KIF13A: variants seen among roughly 807,000 people sequenced by gnomAD.
KIF13A encodes kinesin family member 13A.
A neutral mutation model predicts 212.2 loss-of-function variants in KIF13A; 79 were observed. The ratio of observed to expected loss-of-function variants is 0.37; its 90% confidence interval spans 0.31 to 0.45. KIF13A has a LOEUF of 0.45. Ranked by LOEUF, KIF13A falls within the 20% of genes least tolerant of loss-of-function variation. KIF13A has a pLI of 1.00. For missense variants in KIF13A, 1,901 were observed against 2,209.0 expected, an observed-to-expected ratio of 0.86 and a Z score of 2.79; for synonymous variants, 789 against 808.6, an observed-to-expected ratio of 0.98 and a Z score of 0.41.
chr6:17,814,057 A>G (rs1177929917), intron 17 of KIF13A, among the ~76,000 whole-genome samples: 2 of 142,450 alleles, frequency 1.4e-5, no homozygotes, highest in East Asian at 4.1e-4. Context: ...GGTTCACGCC[A>G]TTCTCCTGCC....
intron 2 of KIF13A, among the ~76,000 whole-genome samples, chr6:17,909,925 G>C (rs909807279): frequency 6.6e-6 from 1 of 152,100 alleles, no homozygotes; most frequent in Non-Finnish European, 1.5e-5. Context: ...AAAAACTCTG[G>C]AAAGAATTAT....
chr6:17,770,618 T>C, intron 38 of KIF13A: 1 of 161,600 alleles, frequency 6.2e-6, no homozygotes, highest in Non-Finnish European at 1.3e-5. Context: ...AGTGAGACGA[T>C]GAAGGGTGAT....
chr6:17,782,185 T>C (rs567147186), intron 29 of KIF13A, among the ~76,000 whole-genome samples: 26 of 152,092 alleles, frequency 1.7e-4, no homozygotes, highest in Non-Finnish European at 3.5e-4. Context: ...TCCACCCGCC[T>C]CAGCCTCCCA....
Position 17,837,787 on chromosome 6 carries a change from A to G in KIF13A, c.831-204T>C, listed in dbSNP as rs540153717. The stretch of plus-strand genomic sequence containing the variant: ...GCCAACATGGTGAAACTCTGTCTCT[A>G]CTAAAAATACAAAAAATTAGCTGGG... On this transcript the variant is annotated intron_variant, in intron 9 of 38. Transcript: ENST00000259711. The surrounding 1 kb of genome is among the most constrained non-coding windows in gnomAD (Gnocchi z 5.4). Among the ~76,000 whole-genome samples the G allele has an allele frequency of 6.6e-6, 1 of 152,062 alleles. No homozygotes were observed. Among genetic ancestry groups the G allele is most frequent in the East Asian group, 1.9e-4 (1 of 5,172 alleles).
At chr6:17,878,091 G>A (rs972881356) in intron 3 of KIF13A, among the ~76,000 whole-genome samples, 1 of 152,198 alleles carries the variant, frequency 6.6e-6, no homozygotes, top group African/African-American at 2.4e-5. Context: ...CCCTTATGAA[G>A]CTCCCAGTGA....
chr6:17,860,414 C>G (rs375636940), intron 4 of KIF13A, among the ~76,000 whole-genome samples: 6 of 152,114 alleles, frequency 3.9e-5, no homozygotes, highest in African/African-American at 1.2e-4. Flanking sequence ...GTCTCGAACT[C>G]CTGACCCTAG....
intron 2 of KIF13A, among the ~76,000 whole-genome samples, chr6:17,962,833 C>T (rs749688145): frequency 6.6e-6 from 1 of 152,152 alleles, no homozygotes; most frequent in Non-Finnish European, 1.5e-5. Flanking sequence ...TCATGCTTGA[C>T]TCAAATTTTA....
rs1472443610 is a variant in KIF13A at position 17,769,039 on chromosome 6, C to G, written c.4581+2075G>C. ...TAGGTGGGTTAAACATTAACAGGAACAATGTCTTGATGCTGTTCTTCTCAA... is the reference window on the plus strand; with the variant it reads ...TAGGTGGGTTAAACATTAACAGGAAGAATGTCTTGATGCTGTTCTTCTCAA... On this transcript the variant is annotated intron_variant, in intron 38 of 38. Coordinates refer to ENST00000259711, the MANE Select transcript of KIF13A (RefSeq NM_022113.6). The surrounding 1 kb of genome is among the most constrained non-coding windows in gnomAD (Gnocchi z 5.8). 6.6e-6 allele frequency among the ~76,000 whole-genome samples: 1 copy of G among 152,152 alleles called. No individual in the cohort carries two copies. The highest frequency in any genetic ancestry group is 6.5e-5 in the Admixed American group (1 of 15,272).
At chr6:17,873,163 C>A in intron 4 of KIF13A, 2 of 476,618 alleles carry the variant, frequency 4.2e-6, no homozygotes, top group Non-Finnish European at 7.4e-6. Context: ...CAATTTGAAG[C>A]TTAATAAAAA....
In KIF13A at chr6:17,963,532, T is replaced by G. The variant is rs1334082130; in HGVS notation, c.146+23522A>C. On this transcript the variant is annotated intron_variant, in intron 2 of 38. Coordinates refer to ENST00000259711, the MANE Select transcript of KIF13A (RefSeq NM_022113.6). This position sits in a 1 kb window ranked among gnomAD's most constrained non-coding sequence, Gnocchi z 4.1. ...ATGACCACAAAAGGGCCCCAAGAGA[T>G]TTGAGATTTGTAGGATAGATTTGTT... Among the ~76,000 whole-genome samples the G allele has an allele frequency of 1.3e-5, 2 of 149,400 alleles. No homozygotes were observed. The highest frequency in any genetic ancestry group is 4.9e-5 in the African/African-American group (2 of 40,978).
At position 17,963,663 on chromosome 6, in the gene KIF13A, T is replaced by TC. The variant is rs746311090; in HGVS notation, c.146+23390dup. ...CCTCCGCCTCCTGGGTTCCAACGATTCCCCTGCCTCAGGCTCCCAAGTAGC... is the reference window on the plus strand; with the variant it reads ...CCTCCGCCTCCTGGGTTCCAACGATTCCCCCTGCCTCAGGCTCCCAAGTAGC... On this transcript the variant is annotated intron_variant, in intron 2 of 38. Transcript: ENST00000259711. This position sits in a 1 kb window ranked among gnomAD's most constrained non-coding sequence, Gnocchi z 4.1. Among the ~76,000 whole-genome samples the TC allele has an allele frequency of 1.3e-5, 2 of 152,070 alleles. No homozygotes were observed. The highest frequency in any genetic ancestry group is 2.9e-5 in the Non-Finnish European group (2 of 68,010).
rs1774424983 is a variant in KIF13A, at chr6:17,915,614, C to T, written c.147-17434G>A. Among the ~76,000 whole-genome samples, 2 of 152,120 alleles carry T rather than the reference C, an allele frequency of 1.3e-5. No individual in the cohort carries two copies. The highest frequency in any genetic ancestry group is 4.1e-4 in the South Asian group (2 of 4,826). On this transcript the variant is annotated intron_variant, in intron 2 of 38. Transcript: ENST00000259711. This position sits in a 1 kb window ranked among gnomAD's most constrained non-coding sequence, Gnocchi z 4.4. Reference sequence around the variant, plus strand: ...AGCCTACTGATTCTGTAGGACATCACTGCAGAACCATGTAGTTTCAATGTC... The same window carrying T: ...AGCCTACTGATTCTGTAGGACATCATTGCAGAACCATGTAGTTTCAATGTC...
At chr6:17,890,188 CAAA>C (rs71002280) in intron 3 of KIF13A, among the ~76,000 whole-genome samples, 2 of 123,510 alleles carry the variant, frequency 1.6e-5, no homozygotes, top group Middle Eastern at 3.8e-3. Flanking sequence ...AACTTCGTCT[CAAA>C]AAAAAAAAAA....
At chr6:17,810,663 C>T (rs1367948875) in intron 17 of KIF13A, among the ~76,000 whole-genome samples, 1 of 152,078 alleles carries the variant, frequency 6.6e-6, no homozygotes, top group South Asian at 2.1e-4. Context: ...CAGTGGGAGC[C>T]CTGAGCTTGT....
At chr6:17,822,871 AAC>A (rs1227948793) in intron 16 of KIF13A, among the ~76,000 whole-genome samples, 3 of 152,246 alleles carry the variant, frequency 2.0e-5, no homozygotes, top group East Asian at 1.9e-4. Flanking sequence ...GTGGGGAAGT[AAC>A]AGAGTGGAAT....
chr6:17,977,889 T>C (rs1387911048), intron 2 of KIF13A, among the ~76,000 whole-genome samples: 1 of 152,196 alleles, frequency 6.6e-6, no homozygotes, highest in Non-Finnish European at 1.5e-5. Context: ...ACAATGATTC[T>C]TTTTTGTTTC....
intron 2 of KIF13A, among the ~76,000 whole-genome samples, chr6:17,916,833 A>G (rs1279080647): frequency 1.3e-5 from 2 of 152,188 alleles, no homozygotes. Context: ...TCTCCTATTA[A>G]TATAACCCTG....
chr6:17,880,679 C>T (rs1208338443), intron 3 of KIF13A, among the ~76,000 whole-genome samples: 1 of 148,160 alleles, frequency 6.7e-6, no homozygotes, highest in Non-Finnish European at 1.5e-5. Context: ...AGGCCAGAGA[C>T]TGCAGTGGGG....
At position 17,781,231 on chromosome 6, in the gene KIF13A, C is replaced by T. The variant is rs770330934; in HGVS notation, c.3615G>A (p.Lys1205=). 1.9e-6 allele frequency: 3 copies of T among 1,613,854 alleles called. No homozygotes were observed. The highest frequency in any genetic ancestry group is 3.3e-5 in the Admixed American group (2 of 59,992). ...HASGVNSILP[K]EHGSQFFYLP... is the part of the protein sequence containing the mutation. ...GGTAGAAAAACTGGCTGCCATGCTCCTTGGGCAGGATGGAGTTCACGCCGG... is the reference window on the plus strand; with the variant it reads ...GGTAGAAAAACTGGCTGCCATGCTCTTTGGGCAGGATGGAGTTCACGCCGG... Residue 1205 remains lysine, a synonymous_variant, in exon 30 of 39, where the codon AAG becomes AAA. Coordinates refer to ENST00000259711, the MANE Select transcript of KIF13A (RefSeq NM_022113.6).
Sources: gnomAD v4.1 joint callset for allele counts (sites outside exome capture counted in the v4.1 genomes callset) on GRCh38, gnomAD v4.1.1 for gene constraint, Gnocchi (gnomAD v3.1) non-coding constraint, MANE v1.5 for transcripts, NCBI Gene and HGNC (gene_info 2026-07-23, HGNC 2026-07-21) for gene names.